The following CACNA2D3 variants were observed in gnomAD, a reference collection of about 807,000 sequenced individuals.
CACNA2D3 encodes voltage-dependent calcium channel subunit alpha-2/delta-3.
In CACNA2D3, 60 loss-of-function variants were observed where a neutral mutation model predicts 160.6. The ratio of observed to expected loss-of-function variants is 0.37; its 90% CI spans 0.30 to 0.46. CACNA2D3 has a LOEUF of 0.46. CACNA2D3 is among the 20% of genes least tolerant of loss of function. CACNA2D3 has a pLI of 1.00. For missense variants in CACNA2D3, 1,205 were observed against 1,365.0 expected, an observed-to-expected ratio of 0.88 and a Z score of 1.85; for synonymous variants, 558 against 492.9, an observed-to-expected ratio of 1.13 and a Z score of -1.75.
intron 9 of CACNA2D3, among the ~76,000 whole-genome samples, chr3:54,625,294 A>T (rs78600404): frequency 0.011 from 1,653 of 152,346 alleles, 22 homozygotes; most frequent in African/African-American, 0.038. Context: ...AAGAAAAAAA[A>T]ATATTATTTT....
At chr3:54,556,255 G>C (rs1189163071) in intron 5 of CACNA2D3, among the ~76,000 whole-genome samples, 3 of 152,148 alleles carry the variant, frequency 2.0e-5, no homozygotes, top group African/African-American at 7.2e-5. Context: ...CCCAAATTTA[G>C]GGTGGTGCCT....
intron 13 of CACNA2D3, among the ~76,000 whole-genome samples, chr3:54,801,547 A>G (rs1022987193): frequency 2.0e-4 from 31 of 152,192 alleles, no homozygotes; most frequent in African/African-American, 7.5e-4. Flanking sequence ...AAATTTAATA[A>G]GTAACTTATT....
intron 27 of CACNA2D3, among the ~76,000 whole-genome samples, chr3:54,900,235 G>T (rs185379046): frequency 6.6e-6 from 1 of 152,120 alleles, no homozygotes; most frequent in Non-Finnish European, 1.5e-5. Context: ...GGAAATTGCA[G>T]GTTTGTTTTA....
chr3:54,325,315 AC>A (rs1480545620), intron 3 of CACNA2D3, among the ~76,000 whole-genome samples: 3 of 152,232 alleles, frequency 2.0e-5, no homozygotes. Context: ...GGTACATATA[AC>A]TGAGATGAGC....
intron 2 of CACNA2D3, among the ~76,000 whole-genome samples, chr3:54,174,367 A>C (rs1273599022): frequency 1.3e-5 from 2 of 152,168 alleles, no homozygotes; most frequent in Non-Finnish European, 2.9e-5. Flanking sequence ...TTGCTAGGTG[A>C]GGGGAGACGG....
intron 29 of CACNA2D3, among the ~76,000 whole-genome samples, chr3:54,981,087 G>A (rs753641522): frequency 1.3e-5 from 2 of 152,186 alleles, no homozygotes; most frequent in East Asian, 1.9e-4. Context: ...ATTGAACCCT[G>A]AACCCATGCT....
At chr3:54,754,621 T>C (rs79672278) in intron 12 of CACNA2D3, among the ~76,000 whole-genome samples, 2,492 of 152,218 alleles carry the variant, frequency 0.016, 58 homozygotes, top group African/African-American at 0.055. Context: ...GGGTGCTCCT[T>C]TGATGTTTGA....
chr3:54,231,196 T>G (rs1577013998), intron 2 of CACNA2D3, among the ~76,000 whole-genome samples: 1 of 152,120 alleles, frequency 6.6e-6, no homozygotes, highest in African/African-American at 2.4e-5. Context: ...AGGAAGTGGG[T>G]GGCTCAAATG....
intron 2 of CACNA2D3, among the ~76,000 whole-genome samples, chr3:54,124,672 C>T (rs1251338230): frequency 6.6e-6 from 1 of 152,124 alleles, no homozygotes; most frequent in Non-Finnish European, 1.5e-5. Context: ...AAACAGTTTG[C>T]CACATGAAAT....
intron 29 of CACNA2D3, among the ~76,000 whole-genome samples, chr3:54,971,793 C>G (rs986507868): frequency 1.3e-5 from 2 of 152,172 alleles, no homozygotes; most frequent in African/African-American, 4.8e-5. Flanking sequence ...TTTACACTGA[C>G]TAGCTTCAAG....
intron 11 of CACNA2D3, among the ~76,000 whole-genome samples, chr3:54,643,969 A>T (rs895769460): frequency 6.6e-6 from 1 of 152,172 alleles, no homozygotes; most frequent in Admixed American, 6.5e-5. Flanking sequence ...AAGAAAGTGA[A>T]GGGGAGTTTT....
intron 27 of CACNA2D3, among the ~76,000 whole-genome samples, chr3:54,965,838 A>G (rs1702135934): frequency 6.6e-6 from 1 of 152,008 alleles, no homozygotes; most frequent in African/African-American, 2.4e-5. Context: ...CAACAACCTC[A>G]TGGTGCAGGC....
chr3:54,817,008 A>G, intron 14 of CACNA2D3, 138 bp downstream of exon 14: 1 of 963,086 alleles, frequency 1.0e-6, no homozygotes, highest in Non-Finnish European at 1.6e-6. Flanking sequence ...GAAGTTGGGC[A>G]GGAACAGAGA....
intron 31 of CACNA2D3, 57 bp from the exon 32 acceptor site, chr3:55,004,706 C>A: frequency 1.7e-6 from 2 of 1,159,092 alleles, no homozygotes; most frequent in Non-Finnish European, 2.6e-6. Flanking sequence ...TACATAGCAT[C>A]AATTGGTTCC....
intron 3 of CACNA2D3, among the ~76,000 whole-genome samples, chr3:54,340,245 C>G (rs1704484777): frequency 6.6e-6 from 1 of 152,114 alleles, no homozygotes. Flanking sequence ...ACAATTGAAA[C>G]AAATTTGCCA....
At chr3:54,173,569 T>C (rs1193291173) in intron 2 of CACNA2D3, among the ~76,000 whole-genome samples, 2 of 152,206 alleles carry the variant, frequency 1.3e-5, no homozygotes, top group South Asian at 4.1e-4. Context: ...AAGCAAGTTG[T>C]TATGGAAACG....
intron 11 of CACNA2D3, among the ~76,000 whole-genome samples, chr3:54,744,106 A>G (rs546932342): frequency 7.9e-5 from 12 of 152,080 alleles, no homozygotes; most frequent in East Asian, 3.9e-4. Context: ...TTTCTCCACA[A>G]TGTCCCTCTA....
Position 54,986,485 on chromosome 3 carries a change from A to G in CACNA2D3, c.2620-1198A>G, listed in dbSNP as rs148551924. Among the ~76,000 whole-genome samples the G allele has an allele frequency of 5.3e-3, 813 of 152,320 alleles. 6 individuals carry two copies. Among genetic ancestry groups the G allele is most frequent in the African/African-American group, 0.019 (785 of 41,578 alleles). On this transcript the variant is annotated intron_variant, in intron 30 of 37. Transcript: ENST00000474759. ...GTAGTACACGCCCACAGAGTTTGCAAAAGTTTCCAAGTTTCCCTGTAGTGA... is the reference window on the plus strand; with the variant it reads ...GTAGTACACGCCCACAGAGTTTGCAGAAGTTTCCAAGTTTCCCTGTAGTGA...
At chr3:55,057,694 T>C (rs1345483896) in intron 35 of CACNA2D3, among the ~76,000 whole-genome samples, 2 of 152,100 alleles carry the variant, frequency 1.3e-5, no homozygotes, top group Non-Finnish European at 2.9e-5. Flanking sequence ...ACAATGGGAG[T>C]TCAATTCAAG....
Sources: gnomAD v4.1 joint callset for allele counts (sites outside exome capture counted in the v4.1 genomes callset) on GRCh38, gnomAD v4.1.1 for gene constraint, MANE v1.5 for transcripts, NCBI Gene and HGNC (gene_info 2026-07-23, HGNC 2026-07-21) for gene names.